Variants in STRBP observed in about 807,000 individuals in gnomAD.
STRBP encodes spermatid perinuclear RNA binding protein, also known as spermatid perinuclear RNA-binding protein.
Under a neutral mutation model 80.1 loss-of-function variants are expected in STRBP, and 13 were observed. That is an observed-to-expected ratio of 0.16 (90% CI 0.11 to 0.26). The LOEUF is 0.26. Among genes scored for constraint, STRBP ranks in the 10% least tolerant of loss-of-function variants. The pLI is 1.00. For synonymous variants in STRBP, 284 were observed against 291.2 expected (o/e 0.98, Z 0.25); for missense variants, 485 against 815.2 (o/e 0.59, Z 4.93).
chr9:123,154,551 T>G (rs990578274), intron 11 of STRBP, among the ~76,000 whole-genome samples: 1 of 145,760 alleles, frequency 6.9e-6, no homozygotes, highest in Admixed American at 6.6e-5. Context: ...GCACTGGTTT[T>G]ATGGGTTTGA....
intron 2 of STRBP, among the ~76,000 whole-genome samples, chr9:123,228,598 CTG>C (rs1362472090): frequency 6.6e-6 from 1 of 152,116 alleles, no homozygotes; most frequent in African/African-American, 2.4e-5. Flanking sequence ...TGTGAACTGA[CTG>C]TTGAATTTAG....
intron 3 of STRBP, among the ~76,000 whole-genome samples, chr9:123,182,852 A>C (rs2038537130): frequency 6.6e-6 from 1 of 152,046 alleles, no homozygotes; most frequent in African/African-American, 2.4e-5. Flanking sequence ...TCTCTACAAA[A>C]AATTTAAAAA....
At chr9:123,194,003 TG>T (rs1001804917) in intron 2 of STRBP, among the ~76,000 whole-genome samples, 1 of 152,166 alleles carries the variant, frequency 6.6e-6, no homozygotes, top group Non-Finnish European at 1.5e-5. Flanking sequence ...TTTTTTTAGT[TG>T]TAAGAATGAC....
downstream of STRBP, chr9:123,121,312 C>T (rs536170291): frequency 6.6e-6 from 1 of 152,298 alleles, no homozygotes; most frequent in African/African-American, 2.4e-5. Flanking sequence ...CAAATACAGC[C>T]TTAGCACACA....
chr9:123,202,342 G>GTA (rs1212284799), intron 2 of STRBP, among the ~76,000 whole-genome samples: 1 of 152,196 alleles, frequency 6.6e-6, no homozygotes, highest in East Asian at 1.9e-4. Context: ...CCACTTTGGT[G>GTA]TATATCAGGC....
chr9:123,256,401 T>C (rs1032266106), intron 1 of STRBP, among the ~76,000 whole-genome samples: 14 of 152,290 alleles, frequency 9.2e-5, no homozygotes, highest in African/African-American at 3.4e-4. Flanking sequence ...TGTCATTTAA[T>C]GTACTTGATA....
chr9:123,217,464 T>C (rs889627185), intron 2 of STRBP, among the ~76,000 whole-genome samples: 1 of 152,234 alleles, frequency 6.6e-6, no homozygotes, highest in Non-Finnish European at 1.5e-5. Flanking sequence ...GAATGTCTTT[T>C]CTAAGTTGTC....
intron 1 of STRBP, among the ~76,000 whole-genome samples, chr9:123,257,417 A>C (rs1024013401): frequency 1.4e-4 from 20 of 147,744 alleles, no homozygotes; most frequent in African/African-American, 4.7e-4. Flanking sequence ...AAAACACACA[A>C]ACACACACAC....
At chr9:123,257,164 T>C (rs1395967695) in intron 1 of STRBP, among the ~76,000 whole-genome samples, 1 of 152,178 alleles carries the variant, frequency 6.6e-6, no homozygotes, top group Non-Finnish European at 1.5e-5. Context: ...TATCGTATCG[T>C]CAACAAAATG....
intron 2 of STRBP, among the ~76,000 whole-genome samples, chr9:123,227,667 G>A (rs2040282767): frequency 6.7e-6 from 1 of 148,470 alleles, no homozygotes; most frequent in African/African-American, 2.5e-5. Flanking sequence ...CCAGGTTCAA[G>A]CTGTTCTTGA....
At chr9:123,234,436 A>T (rs1192051679) in intron 2 of STRBP, among the ~76,000 whole-genome samples, 1 of 152,070 alleles carries the variant, frequency 6.6e-6, no homozygotes, top group African/African-American at 2.4e-5. Context: ...CAAAAAGACT[A>T]ATACTGTACA....
At chr9:123,150,185 T>G (rs569046733) in intron 11 of STRBP, among the ~76,000 whole-genome samples, 9 of 152,046 alleles carry the variant, frequency 5.9e-5, no homozygotes, top group African/African-American at 9.6e-5. Flanking sequence ...GCCTGAGTGG[T>G]TGGAGTGAAA....
chr9:123,164,686 T>C (rs1354996608), intron 6 of STRBP, among the ~76,000 whole-genome samples: 2 of 152,184 alleles, frequency 1.3e-5, no homozygotes, highest in East Asian at 3.9e-4. Context: ...CTCAGTATCA[T>C]GAGGGGCTCC....
chr9:123,143,236 A>G (rs113823520), intron 13 of STRBP, among the ~76,000 whole-genome samples: 3 of 152,166 alleles, frequency 2.0e-5, no homozygotes, highest in African/African-American at 7.2e-5. Context: ...CACAATGACT[A>G]AGATTCTTTT....
intron 1 of STRBP, among the ~76,000 whole-genome samples, chr9:123,238,219 C>T (rs1335027377): frequency 1.3e-5 from 2 of 152,126 alleles, no homozygotes; most frequent in Non-Finnish European, 2.9e-5. Context: ...AGACCAAGAC[C>T]GGAGGATCGC....
intron 2 of STRBP, among the ~76,000 whole-genome samples, chr9:123,189,965 T>C (rs2038861116): frequency 6.6e-6 from 1 of 152,140 alleles, no homozygotes; most frequent in South Asian, 2.1e-4. Context: ...GCATGGAGAA[T>C]ACAAAGATGA....
At position 123,160,463 on chromosome 9, in the gene STRBP, C is replaced by A; in HGVS notation, c.628-1G>T. 6.3e-7 allele frequency: 1 copy of A among 1,582,562 alleles called. No homozygotes were observed. The highest frequency in any genetic ancestry group is 8.6e-7 in the Non-Finnish European group (1 of 1,159,032). ...ATGATTTTAATCCATTTGCCCTTGC[C>A]TAAAACAAACAAAATGATTCCAGAT... On this transcript the variant is annotated splice_acceptor_variant, in intron 7 of 18. Transcript: ENST00000348403. LOFTEE classifies it high-confidence loss of function.
intron 16 of STRBP, among the ~76,000 whole-genome samples, chr9:123,133,818 AG>A: frequency 6.6e-6 from 1 of 152,144 alleles, no homozygotes; most frequent in Admixed American, 6.5e-5. Context: ...CTGGGATTAC[AG>A]GTGTGAGCCA....
In STRBP at chr9:123,124,971, AGT is replaced by A; in HGVS notation, c.*624_*625del. On this transcript the variant is annotated 3_prime_UTR_variant, in exon 19 of 19. Transcript: ENST00000348403. ...ACAAGTGAATGGGCTTCTAGGGCTA[AGT>A]TATTAGTTTTCAATTCCTTGTAATT... The A allele has an allele frequency of 2.0e-6, 2 of 985,816 alleles. No homozygotes were observed. The highest frequency in any genetic ancestry group is 2.4e-6 in the Non-Finnish European group (2 of 829,896). 61.1% of individuals were successfully genotyped at this position (985,816 alleles called of 1,614,324 possible).
Sources: allele counts gnomAD v4.1 joint callset (sites outside exome capture counted in the v4.1 genomes callset), GRCh38; gene constraint gnomAD v4.1.1; transcripts MANE v1.5; gene names NCBI Gene and HGNC (gene_info 2026-07-23, HGNC 2026-07-21).